RAI14: variants seen among roughly 807,000 people sequenced by gnomAD.
The protein encoded by RAI14 is ankycorbin.
RAI14 carries 45 observed loss-of-function variants against 115.4 expected under a neutral mutation model. The observed-to-expected ratio is 0.39, with a 90% CI of 0.31 to 0.50. The LOEUF is 0.50. Ranked by LOEUF, RAI14 falls within the 20% of genes least tolerant of loss-of-function variation. RAI14 has a pLI of 0.85. For synonymous variants in RAI14, 371 were observed against 415.4 expected (o/e 0.89, Z 1.30); for missense variants, 939 against 1,131.2 (o/e 0.83, Z 2.44).
chr5:34,777,874 G>A (rs980406074), intron 3 of RAI14, among the ~76,000 whole-genome samples: 1 of 118,272 alleles, frequency 8.5e-6, no homozygotes, highest in African/African-American at 2.8e-5. Flanking sequence ...GTGTGTGTGG[G>A]GGGGGTGTGG....
intron 1 of RAI14, among the ~76,000 whole-genome samples, chr5:34,679,001 C>G (rs948671028): frequency 6.6e-6 from 1 of 152,230 alleles, no homozygotes; most frequent in African/African-American, 2.4e-5. Context: ...AACAACACAA[C>G]AGCAAGCTCT....
chr5:34,828,116 G>C (rs1440838668), intron 16 of RAI14, among the ~76,000 whole-genome samples: 1 of 152,188 alleles, frequency 6.6e-6, no homozygotes, highest in Non-Finnish European at 1.5e-5. Flanking sequence ...CTGGCTGCTA[G>C]AGAAGTAAGT....
At chr5:34,747,318 C>T (rs111592717) in intron 2 of RAI14, among the ~76,000 whole-genome samples, 2 of 152,234 alleles carry the variant, frequency 1.3e-5, no homozygotes, top group African/African-American at 4.8e-5. Context: ...TACAGCTCCT[C>T]GCACTGTACA....
chr5:34,750,197 C>T (rs891840548), intron 2 of RAI14, among the ~76,000 whole-genome samples: 3 of 151,800 alleles, frequency 2.0e-5, no homozygotes, highest in African/African-American at 7.3e-5. Flanking sequence ...GACAGGGAGG[C>T]CCAGGGACAC....
rs115689659 is a variant in RAI14, at chr5:34,739,107, C to T, written c.37-18361C>T. On this transcript the variant is annotated intron_variant, in intron 2 of 17. Coordinates refer to ENST00000265109, the MANE Select transcript of RAI14 (RefSeq NM_015577.3). ...GAAAAAGAAGCGCTATTCAAAATAA[C>T]GGAGTGGAATTTCCCATGGGTCTTT... Among the ~76,000 whole-genome samples the T allele has an allele frequency of 5.3e-3, 803 of 152,302 alleles. 3 individuals carry two copies. Among genetic ancestry groups the T allele is most frequent in the African/African-American group, 0.017 (727 of 41,580 alleles).
rs1755696495 is a variant in RAI14 at position 34,812,295 on chromosome 5, G to A, written c.765+87G>A. ...CAGATTTAACCACTCTGGTCCACTA[G>A]TAAAGTAATAAAGACTATATTGAAA... is the stretch of plus-strand genomic sequence containing the variant. On this transcript the variant is annotated intron_variant, in intron 10 of 17. Transcript: ENST00000265109. 6 of 1,154,350 alleles carry A rather than the reference G, an allele frequency of 5.2e-6. No individual in the cohort carries two copies. In the Middle Eastern group the frequency reaches 6.1e-4, roughly 117 times the overall value. The allele number at this position is 1,154,350 out of a possible 1,614,324, so 71.5% of individuals were successfully genotyped here.
intron 3 of RAI14, among the ~76,000 whole-genome samples, chr5:34,778,678 A>T (rs903035834): frequency 6.6e-6 from 1 of 151,802 alleles, no homozygotes; most frequent in Admixed American, 6.6e-5. Context: ...AGTTTGGGAG[A>T]ATCGCTTGAG....
chr5:34,686,593 T>C (rs1473654840), intron 1 of RAI14, among the ~76,000 whole-genome samples: 1 of 152,170 alleles, frequency 6.6e-6, no homozygotes, highest in East Asian at 1.9e-4. Context: ...TCAAAAGTCA[T>C]GTTTTACACC....
intron 2 of RAI14, among the ~76,000 whole-genome samples, chr5:34,742,230 C>G (rs1745603335): frequency 6.6e-6 from 1 of 152,160 alleles, no homozygotes; most frequent in Admixed American, 6.5e-5. Context: ...GTCCTTTTCT[C>G]TCTATGGGGC....
At chr5:34,710,049 A>G (rs949404020) in intron 2 of RAI14, among the ~76,000 whole-genome samples, 2 of 152,246 alleles carry the variant, frequency 1.3e-5, no homozygotes, top group Non-Finnish European at 2.9e-5. Context: ...TGAACATGGA[A>G]TTTGACCTTG....
intron 2 of RAI14, among the ~76,000 whole-genome samples, chr5:34,718,624 A>T (rs1425813063): frequency 6.6e-6 from 1 of 152,230 alleles, no homozygotes; most frequent in Non-Finnish European, 1.5e-5. Context: ...CAAAGCCCCC[A>T]GGTTGGGATC....
intron 1 of RAI14, among the ~76,000 whole-genome samples, chr5:34,674,778 G>A (rs1396754073): frequency 2.0e-5 from 3 of 151,912 alleles, no homozygotes; most frequent in East Asian, 1.9e-4. Flanking sequence ...TAGTGGAGAC[G>A]GGGTTTCGCC....
intron 4 of RAI14, among the ~76,000 whole-genome samples, chr5:34,799,685 ATTTTT>A (rs57115550): frequency 1.3e-4 from 13 of 103,396 alleles, no homozygotes; most frequent in African/African-American, 3.9e-4. Context: ...ATCTGTTAGC[ATTTTT>A]TTTTTTTTTT....
intron 1 of RAI14, among the ~76,000 whole-genome samples, chr5:34,680,379 A>C (rs533983507): frequency 6.6e-6 from 1 of 152,346 alleles, no homozygotes; most frequent in South Asian, 2.1e-4. Flanking sequence ...TGGATGCGAA[A>C]GAGACCACAA....
At chr5:34,809,129 C>T (rs966700304) in intron 7 of RAI14, among the ~76,000 whole-genome samples, 4 of 152,192 alleles carry the variant, frequency 2.6e-5, no homozygotes, top group African/African-American at 9.6e-5. Flanking sequence ...TTATGTATTA[C>T]TCTTAACCCT....
chr5:34,684,518 A>G (rs1744643491), intron 1 of RAI14: 1 of 151,984 alleles, frequency 6.6e-6, no homozygotes, highest in Non-Finnish European at 1.5e-5. Context: ...TGCATCTGTC[A>G]CTCCCGCTGA....
At chr5:34,775,046 G>A (rs1199721854) in intron 3 of RAI14, among the ~76,000 whole-genome samples, 1 of 152,096 alleles carries the variant, frequency 6.6e-6, no homozygotes, top group African/African-American at 2.4e-5. Flanking sequence ...AAATGGTGGT[G>A]GGAAAACTGG....
intron 7 of RAI14, among the ~76,000 whole-genome samples, chr5:34,809,842 A>G (rs1309938800): frequency 6.6e-6 from 1 of 152,156 alleles, no homozygotes. Flanking sequence ...AGAATCTCCC[A>G]ACTTTGAAGA....
chr5:34,695,803 C>CTTTTTTTT (rs376091071), intron 2 of RAI14, among the ~76,000 whole-genome samples: 2 of 128,952 alleles, frequency 1.6e-5, no homozygotes, highest in Non-Finnish European at 3.2e-5. Context: ...AAGCACTTTC[C>CTTTTTTTT]TTTTTTTTTT....
Sources: gnomAD v4.1 joint callset for allele counts (sites outside exome capture counted in the v4.1 genomes callset) on GRCh38, gnomAD v4.1.1 for gene constraint, MANE v1.5 for transcripts, NCBI Gene and HGNC (gene_info 2026-07-23, HGNC 2026-07-21) for gene names.